The following POPDC3 variants were observed in gnomAD, a reference collection of about 807,000 sequenced individuals.
The protein encoded by POPDC3 is popeye domain-containing protein 3.
A neutral mutation model predicts 28.2 loss-of-function variants in POPDC3; 20 were observed. The ratio of observed to expected loss-of-function variants is 0.71; its 90% CI spans 0.50 to 1.03. The LOEUF is 1.03. Ranked by LOEUF, POPDC3 falls within the 50% of genes least tolerant of loss-of-function variation. POPDC3 has a pLI of 0.00. For synonymous variants in POPDC3, 118 were observed against 124.1 expected (o/e 0.95, Z 0.33); for missense variants, 316 against 345.9 (o/e 0.91, Z 0.69).
At chr6:105,171,336 G>C (rs1042645018) in intron 1 of POPDC3, among the ~76,000 whole-genome samples, 3 of 151,994 alleles carry the variant, frequency 2.0e-5, no homozygotes, top group African/African-American at 7.3e-5. Flanking sequence ...TGTATCATTA[G>C]CTCTCAAATG....
intron 1 of POPDC3, among the ~76,000 whole-genome samples, chr6:105,178,442 T>C (rs1404398975): frequency 6.6e-6 from 1 of 152,168 alleles, no homozygotes; most frequent in Non-Finnish European, 1.5e-5. Flanking sequence ...TTCAGCTATT[T>C]TGAGGGACTG....
chr6:105,159,466 T>TAAA (rs1185464057), intron 3 of POPDC3, among the ~76,000 whole-genome samples: 1 of 152,266 alleles, frequency 6.6e-6, no homozygotes, highest in Admixed American at 6.5e-5. Flanking sequence ...AAGTAAAGCT[T>TAAA]AAAGTATTGA....
intron 1 of POPDC3, among the ~76,000 whole-genome samples, chr6:105,172,308 T>C (rs535602816): frequency 1.3e-5 from 2 of 151,160 alleles, no homozygotes; most frequent in African/African-American, 4.9e-5. Flanking sequence ...GGCCATCACA[T>C]AAATGCAAAT....
chr6:105,161,190 G>A (rs1774318918), intron 2 of POPDC3, among the ~76,000 whole-genome samples: 1 of 152,106 alleles, frequency 6.6e-6, no homozygotes, highest in Non-Finnish European at 1.5e-5. Flanking sequence ...CATACTTTAT[G>A]TAATTTGATT....
intron 1 of POPDC3, among the ~76,000 whole-genome samples, chr6:105,162,711 C>T (rs773095644): frequency 9.2e-5 from 14 of 152,136 alleles, no homozygotes; most frequent in African/African-American, 3.1e-4. Flanking sequence ...TCAGCCTAGG[C>T]GAAAAGAGTA....
chr6:105,168,815 A>G (rs1339940679), intron 1 of POPDC3: 1 of 152,254 alleles, frequency 6.6e-6, no homozygotes, highest in Non-Finnish European at 1.5e-5. Flanking sequence ...GCAAACATCC[A>G]TATGTGAACT....
chr6:105,162,029 C>T lies in POPDC3; in HGVS notation c.-120G>A, dbSNP rs979037387. On this transcript the variant is annotated 5_prime_UTR_variant, in exon 2 of 4. Transcript: ENST00000254765. ...GCAGTCTTCACAAAACCAGAGAAAACGGACACTGGAGTTGATGCTGATTAA... is the reference window on the plus strand; with the variant it reads ...GCAGTCTTCACAAAACCAGAGAAAATGGACACTGGAGTTGATGCTGATTAA... The T allele has an allele frequency of 2.0e-5, 30 of 1,499,250 alleles. No individual in the cohort carries two copies. In the South Asian group the frequency reaches 2.8e-4, roughly 14 times the overall value. 92.9% of individuals were successfully genotyped at this position (1,499,250 alleles called of 1,614,324 possible).
chr6:105,173,163 A>AT (rs1488136981), intron 1 of POPDC3, among the ~76,000 whole-genome samples: 2 of 152,248 alleles, frequency 1.3e-5, no homozygotes, highest in Admixed American at 1.3e-4. Context: ...TTGATCAAGG[A>AT]TGCTCCACTA....
chr6:105,173,226 TCAAA>T (rs1329813359), intron 1 of POPDC3, among the ~76,000 whole-genome samples: 2 of 152,190 alleles, frequency 1.3e-5, no homozygotes, highest in Non-Finnish European at 2.9e-5. Flanking sequence ...GAAAATGAAC[TCAAA>T]CAACAGAAAA....
intron 2 of POPDC3, 40 bp from the exon 3 acceptor site, chr6:105,159,859 AAG>A (rs1197674272): frequency 7.1e-7 from 1 of 1,405,206 alleles, no homozygotes; most frequent in African/African-American, 1.4e-5. Flanking sequence ...GGGAAGGAGA[AAG>A]AGAGCACATA....
Position 105,158,645 on chromosome 6 carries a change from A to G in POPDC3, c.701T>C (p.Leu234Pro), listed in dbSNP as rs749034445. ...HRYISRLFSVLIGSDIADKLY... is the reference protein window; with the variant it reads ...HRYISRLFSVPIGSDIADKLY... ...TTTATCTGCAATGTCACTGCCAATTAGCACTGAAAAAAGGCGGGAGATGTA... is the reference window on the plus strand; with the variant it reads ...TTTATCTGCAATGTCACTGCCAATTGGCACTGAAAAAAGGCGGGAGATGTA... The change falls in exon 4 of 4, where the codon CTA becomes CCA. Residue 234 changes from leucine (L) to proline (P), a missense_variant. Physicochemically the swap from Leu to Pro is moderately conservative, Grantham distance 98 (BLOSUM62 -3). Transcript: ENST00000254765. 1.2e-5 allele frequency: 19 copies of G among 1,614,022 alleles called. No homozygotes were observed.
chr6:105,168,348 A>G (rs1774501734), intron 1 of POPDC3, among the ~76,000 whole-genome samples: 1 of 152,212 alleles, frequency 6.6e-6, no homozygotes, highest in Non-Finnish European at 1.5e-5. Flanking sequence ...CAATACTTGG[A>G]GACTCTTCAT....
rs527330423 is a variant in POPDC3 at position 105,178,745 on chromosome 6, A to G, written c.-252+1088T>C. Reference sequence around the variant, plus strand: ...TCATGTAGTTCTTGTTTGGTTTTCTATTGTCACAAAGAACAATGCCAAGTT... The same window carrying G: ...TCATGTAGTTCTTGTTTGGTTTTCTGTTGTCACAAAGAACAATGCCAAGTT... On this transcript the variant is annotated intron_variant, in intron 1 of 3. Coordinates refer to ENST00000254765, the MANE Select transcript of POPDC3 (RefSeq NM_022361.5). The G allele has an allele frequency of 1.6e-3, 1,610 of 985,232 alleles. 2 individuals are homozygous for G. Among genetic ancestry groups the G allele is most frequent in the Non-Finnish European group, 1.8e-3 (1,514 of 829,776 alleles). 61.0% of individuals were successfully genotyped at this position (985,232 alleles called of 1,614,324 possible). A position where few individuals can be genotyped will look rare whatever the true frequency, so the allele number is the denominator to read the frequency against.
Position 105,158,054 on chromosome 6 carries a change from A to G in POPDC3, c.*416T>C, listed in dbSNP as rs1258763300. 3.9e-5 allele frequency among the ~76,000 whole-genome samples: 6 copies of G among 152,330 alleles called. No individual in the cohort carries two copies. Among genetic ancestry groups the G allele is most frequent in the South Asian group, 2.1e-4 (1 of 4,828 alleles). ...CACTGGAGGTTGTAGCAAAAAAGTG[A>G]ATTCCGGAAATGCCTATGTGGACAG... On this transcript the variant is annotated 3_prime_UTR_variant, in exon 4 of 4. Transcript: ENST00000254765.
intron 1 of POPDC3, chr6:105,168,977 C>G (rs1016921007): frequency 3.3e-5 from 5 of 152,236 alleles, no homozygotes; most frequent in Non-Finnish European, 7.3e-5. Context: ...ATAAGAAGCT[C>G]AGTGTGTCTG....
At chr6:105,179,630 C>A (rs73508580) in intron 1 of POPDC3, among the ~76,000 whole-genome samples, 3,452 of 152,208 alleles carry the variant, frequency 0.023, 126 homozygotes, top group African/African-American at 0.079. Flanking sequence ...GACCCCAGAC[C>A]CCGGACCCCA....
chr6:105,171,216 A>C (rs2114542785), intron 1 of POPDC3, among the ~76,000 whole-genome samples: 1 of 152,334 alleles, frequency 6.6e-6, no homozygotes, highest in South Asian at 2.1e-4. Flanking sequence ...TTTCTGGGTA[A>C]AACATGCGTA....
chr6:105,174,839 T>C (rs890996777), intron 1 of POPDC3, among the ~76,000 whole-genome samples: 1 of 152,230 alleles, frequency 6.6e-6, no homozygotes, highest in Non-Finnish European at 1.5e-5. Flanking sequence ...CAGTGATTCA[T>C]CGTGATTTCA....
chr6:105,173,627 A>C (rs934734081), intron 1 of POPDC3, among the ~76,000 whole-genome samples: 48 of 152,224 alleles, frequency 3.2e-4, no homozygotes, highest in African/African-American at 1.1e-3. Context: ...GCCGAGTTAG[A>C]ATCCAAATAT....
Sources: allele counts gnomAD v4.1 joint callset (sites outside exome capture counted in the v4.1 genomes callset), GRCh38; gene constraint gnomAD v4.1.1; transcripts MANE v1.5; gene names NCBI Gene and HGNC (gene_info 2026-07-23, HGNC 2026-07-21).